Variants in RUFY1 observed in about 807,000 individuals in gnomAD.
The protein encoded by RUFY1 is RUN and FYVE domain containing 1.
In RUFY1, 54 loss-of-function variants were observed where a neutral mutation model predicts 94.6. That is an observed-to-expected ratio of 0.57 (90% CI 0.46 to 0.72). RUFY1 has a LOEUF of 0.72. Among genes scored for constraint, RUFY1 ranks in the 30% least tolerant of loss-of-function variants. The probability of loss-of-function intolerance (pLI) is 0.00; values close to 1 mark genes in which losing one functional copy is unlikely to be tolerated. For missense variants in RUFY1, 883 were observed against 883.9 expected, an observed-to-expected ratio of 1.00 and a Z score of 0.01; for synonymous variants, 396 against 347.3, an observed-to-expected ratio of 1.14 and a Z score of -1.56.
chr5:179,577,763 C>G (rs995012811), intron 6 of RUFY1, among the ~76,000 whole-genome samples: 1 of 147,058 alleles, frequency 6.8e-6, no homozygotes, highest in Non-Finnish European at 1.5e-5. Flanking sequence ...CACCGGTGGT[C>G]GGGCGGCGGA....
chr5:179,569,280 C>T (rs769918427), intron 4 of RUFY1, 22 bp from the exon 5 acceptor site: 17 of 1,613,580 alleles, frequency 1.1e-5, no homozygotes, highest in Non-Finnish European at 1.4e-5. Flanking sequence ...GAGCATCGCC[C>T]TGTCCTGTCC....
chr5:179,552,876 C>T (rs1208088024), intron 1 of RUFY1, among the ~76,000 whole-genome samples: 1 of 152,202 alleles, frequency 6.6e-6, no homozygotes, highest in Non-Finnish European at 1.5e-5. Flanking sequence ...ATAGCCAACA[C>T]TTATATTGTC....
At chr5:179,606,454 G>A (rs148336475) in intron 16 of RUFY1, 82 of 162,908 alleles carry the variant, frequency 5.0e-4, no homozygotes, top group African/African-American at 1.9e-3. Context: ...CTGAGCTGCA[G>A]GGCGGAGAGT....
intron 1 of RUFY1, among the ~76,000 whole-genome samples, chr5:179,551,453 A>G (rs1761847117): frequency 6.6e-6 from 1 of 152,116 alleles, no homozygotes; most frequent in Admixed American, 6.5e-5. Context: ...ATCCAATACA[A>G]CAGCACGCAT....
chr5:179,552,921 A>T (rs572806615), intron 1 of RUFY1, among the ~76,000 whole-genome samples: 2 of 152,366 alleles, frequency 1.3e-5, no homozygotes, highest in East Asian at 1.9e-4. Context: ...TTAAACCTGT[A>T]CAAGTATTCA....
intron 14 of RUFY1, among the ~76,000 whole-genome samples, chr5:179,600,956 C>T (rs1486780267): frequency 6.6e-6 from 1 of 152,108 alleles, no homozygotes; most frequent in African/African-American, 2.4e-5. Flanking sequence ...CCTCAGCCTC[C>T]CAGTGCTGGG....
chr5:179,559,610 G>A (rs1400111313), intron 1 of RUFY1: 16 of 958,914 alleles, frequency 1.7e-5, no homozygotes, highest in Non-Finnish European at 1.7e-5. Context: ...CAATAGGAAT[G>A]TTTGGGGGCG....
chr5:179,600,492 T>C (rs1466942859), intron 14 of RUFY1, among the ~76,000 whole-genome samples: 1 of 152,132 alleles, frequency 6.6e-6, no homozygotes, highest in Non-Finnish European at 1.5e-5. Flanking sequence ...GACCAGTGCT[T>C]TCCAAAAAAG....
At chr5:179,569,194 G>GT (rs1763043612) in intron 4 of RUFY1, 108 bp from the exon 5 acceptor site, 2 of 1,585,054 alleles carry the variant, frequency 1.3e-6, no homozygotes, top group Non-Finnish European at 1.7e-6. Flanking sequence ...ATCCACAGCA[G>GT]TATCTTCTGG....
At chr5:179,605,735 A>G (rs1481662541) in intron 15 of RUFY1, 141 bp from the exon 16 acceptor site, 1 of 708,808 alleles carries the variant, frequency 1.4e-6, no homozygotes, top group South Asian at 1.5e-5. Flanking sequence ...ACAGAGGCGG[A>G]AGGCATTTTA....
At chr5:179,591,341 C>T (rs1429692857) in intron 9 of RUFY1, among the ~76,000 whole-genome samples, 2 of 151,944 alleles carry the variant, frequency 1.3e-5, no homozygotes, top group Non-Finnish European at 2.9e-5. Flanking sequence ...CCCACCACCA[C>T]GCCCAGCTAA....
intron 2 of RUFY1, among the ~76,000 whole-genome samples, chr5:179,561,826 A>G (rs1762484903): frequency 6.7e-6 from 1 of 149,560 alleles, no homozygotes; most frequent in South Asian, 2.1e-4. Context: ...GGGACTACAG[A>G]CGCCCACCAC....
chr5:179,598,656 C>G, intron 13 of RUFY1, 36 bp from the exon 14 acceptor site: 2 of 1,611,848 alleles, frequency 1.2e-6, no homozygotes, highest in South Asian at 2.2e-5. Flanking sequence ...GAAAGTCTCC[C>G]ACTGAGACTA....
chr5:179,609,636 C>CG lies in RUFY1; in HGVS notation c.*119dup. On this transcript the variant is annotated 3_prime_UTR_variant, in exon 18 of 18. Coordinates refer to ENST00000319449, the MANE Select transcript of RUFY1 (RefSeq NM_025158.5). Reference sequence around the variant, plus strand: ...AAAGGAAAGAATCAAATTTCTTGCCCGGTCACTGGCACTCCAGAAGACAGC... The same window carrying CG: ...AAAGGAAAGAATCAAATTTCTTGCCCGGGTCACTGGCACTCCAGAAGACAGC... 9.5e-7 allele frequency: 1 copy of CG among 1,056,336 alleles called. No homozygotes were observed. Among genetic ancestry groups the CG allele is most frequent in the Non-Finnish European group, 1.3e-6 (1 of 761,250 alleles). The allele number at this position is 1,056,336 out of a possible 1,614,324, so 65.4% of individuals were successfully genotyped here.
chr5:179,580,489 A>G (rs1581483928), intron 6 of RUFY1, among the ~76,000 whole-genome samples: 1 of 149,992 alleles, frequency 6.7e-6, no homozygotes, highest in Admixed American at 6.7e-5. Context: ...TGATCTGCCC[A>G]CCTTGGCCTT....
chr5:179,585,303 C>T (rs1440510797), intron 7 of RUFY1, among the ~76,000 whole-genome samples: 1 of 152,138 alleles, frequency 6.6e-6, no homozygotes, highest in Non-Finnish European at 1.5e-5. Flanking sequence ...AGGCCGGGCA[C>T]AGTGGTTCAT....
At position 179,573,887 on chromosome 5, in the gene RUFY1, A is replaced by G. The variant is rs571702358; in HGVS notation, c.829-3188A>G. Among the ~76,000 whole-genome samples the G allele has an allele frequency of 3.9e-5, 6 of 152,320 alleles. No homozygotes were observed. The East Asian group carries it at 1.2e-3, about 29-fold the overall frequency. On this transcript the variant is annotated intron_variant, in intron 5 of 17. Coordinates refer to ENST00000319449, the MANE Select transcript of RUFY1 (RefSeq NM_025158.5). The stretch of plus-strand genomic sequence containing the variant: ...AGATACTTTTTTTGGATCTATCAAC[A>G]TGTCAACCTGCTTTTAACCCATAAA...
At chr5:179,560,651 G>A (rs531015871) in intron 2 of RUFY1, among the ~76,000 whole-genome samples, 2,269 of 149,454 alleles carry the variant, frequency 0.015, 26 homozygotes, top group Non-Finnish European at 0.023. Context: ...GCGTGATCCC[G>A]GGAGGCGGAG....
Position 179,609,624 on chromosome 5 carries a change from A to G in RUFY1, c.*105A>G. 3 of 1,214,260 alleles carry G rather than the reference A, an allele frequency of 2.5e-6. No homozygotes were observed. In the Admixed American group the frequency reaches 8.9e-5, roughly 36 times the overall value. The allele number at this position is 1,214,260 out of a possible 1,614,324, so 75.2% of individuals were successfully genotyped here. A position where few individuals can be genotyped will look rare whatever the true frequency, so the allele number is the denominator to read the frequency against. On this transcript the variant is annotated 3_prime_UTR_variant, in exon 18 of 18. Coordinates refer to ENST00000319449, the MANE Select transcript of RUFY1 (RefSeq NM_025158.5). ...CCCAAGAGTATCAAAGGAAAGAATC[A>G]AATTTCTTGCCCGGTCACTGGCACT... is the stretch of plus-strand genomic sequence containing the variant.
Sources: allele counts gnomAD v4.1 joint callset (sites outside exome capture counted in the v4.1 genomes callset), GRCh38; gene constraint gnomAD v4.1.1; transcripts MANE v1.5; gene names NCBI Gene and HGNC (gene_info 2026-07-23, HGNC 2026-07-21).